The following BPIFA3 variants were observed in gnomAD, a reference collection of about 807,000 sequenced individuals.
BPIFA3 encodes BPI fold containing family A member 3, also known as BPI fold-containing family A member 3.
Under a neutral mutation model 29.7 loss-of-function variants are expected in BPIFA3, and 32 were observed. That is an observed-to-expected ratio of 1.08 (90% confidence interval 0.81 to 1.45). The LOEUF (loss-of-function observed/expected upper bound fraction) is 1.45. Ranked by LOEUF, BPIFA3 falls within the 40% of genes most tolerant of loss-of-function variation. BPIFA3 has a pLI of 0.00. For missense variants in BPIFA3, 323 were observed against 311.3 expected (o/e 1.04, Z -0.28); for synonymous variants, 112 against 113.7 (o/e 0.98, Z 0.10).
chr20:33,224,993 G>A, intron 3 of BPIFA3, 105 bp from the exon 4 acceptor site: 1 of 1,032,148 alleles, frequency 9.7e-7, no homozygotes, highest in Admixed American at 1.9e-5. Flanking sequence ...GAGTGCCAGG[G>A]GAAGCCCTAA....
chr20:33,224,040 G>T, intron 2 of BPIFA3, 79 bp downstream of exon 2: 1 of 1,543,444 alleles, frequency 6.5e-7, no homozygotes. Flanking sequence ...ATGGGGGGCT[G>T]GGGAGGTGCA....
rs1978371342 is a variant in BPIFA3 at position 33,227,681 on chromosome 20, C to T, written c.*64C>T. On this transcript the variant is annotated 3_prime_UTR_variant, in exon 7 of 7. Coordinates refer to ENST00000375454, the MANE Select transcript of BPIFA3 (RefSeq NM_178466.5). ...TTAAGTCTCCCTTAGAGTGGGGCTT[C>T]TGCTACCCTAAAAACTTTACCCCAG... The T allele has an allele frequency of 7.1e-7, 1 of 1,411,200 alleles. No individual in the cohort carries two copies. The highest frequency in any genetic ancestry group is 1.2e-5 in the South Asian group (1 of 86,362). The allele number at this position is 1,411,200 out of a possible 1,614,324, so 87.4% of individuals were successfully genotyped here.
At position 33,227,543 on chromosome 20, in the gene BPIFA3, G is replaced by A; in HGVS notation, c.691G>A (p.Glu231Lys). The A allele has an allele frequency of 1.2e-6, 2 of 1,613,890 alleles. No homozygotes were observed. Among genetic ancestry groups the A allele is most frequent in the South Asian group, 1.1e-5 (1 of 91,066 alleles). The change falls in exon 7 of 7, where the codon GAG (glutamate) becomes AAG (lysine). Residue 231 changes from glutamate (E) to lysine (K), a missense_variant. Coordinates refer to ENST00000375454, the MANE Select transcript of BPIFA3 (RefSeq NM_178466.5). ...GCTACCTCTTCTCCTTACAGAACAG[G>A]AGGCTGCTCATGAACCAACCCACCA... The part of the protein sequence containing the change: ...VKLLKSLIEQ[E>K]AAHEPTHHET...
intron 4 of BPIFA3, chr20:33,225,528 C>G: frequency 2.4e-6 from 1 of 411,782 alleles, no homozygotes; most frequent in South Asian, 3.4e-5. Context: ...TCCTACTCCA[C>G]TACCTGGAGC....
intron 2 of BPIFA3, 63 bp from the exon 3 acceptor site, chr20:33,224,292 A>G (rs1985669578): frequency 7.5e-7 from 1 of 1,333,528 alleles, no homozygotes; most frequent in Non-Finnish European, 1.1e-6. Flanking sequence ...GTTTCTCAGC[A>G]GGAAGCCTTA....
intron 4 of BPIFA3, 124 bp downstream of exon 4, chr20:33,225,371 GCTC>G: frequency 7.2e-7 from 1 of 1,384,010 alleles, no homozygotes; most frequent in Non-Finnish European, 9.8e-7. Flanking sequence ...CCCGGGATCT[GCTC>G]CTCCTCCCAT....
At chr20:33,226,204 T>C in intron 4 of BPIFA3, 1 of 523,006 alleles carries the variant, frequency 1.9e-6, no homozygotes, top group Non-Finnish European at 3.3e-6. Context: ...TTGCCATGTT[T>C]CTAATATAAC....
intron 1 of BPIFA3, among the ~76,000 whole-genome samples, chr20:33,219,512 G>A (rs1016020247): frequency 2.0e-5 from 3 of 152,046 alleles, no homozygotes. Flanking sequence ...TAGCTTTATA[G>A]TTTTACCTTT....
chr20:33,223,746 G>T, intron 1 of BPIFA3, 65 bp from the exon 2 acceptor site: 1 of 1,557,274 alleles, frequency 6.4e-7, no homozygotes, highest in Non-Finnish European at 8.7e-7. Flanking sequence ...CCAGGCCTCC[G>T]AATCCCAAGC....
At chr20:33,224,029 G>A in intron 2 of BPIFA3, 68 bp downstream of exon 2, 6 of 1,564,274 alleles carry the variant, frequency 3.8e-6, no homozygotes, top group Non-Finnish European at 5.2e-6. Flanking sequence ...GGGTAGAGCT[G>A]ATGGGGGGCT....
intron 2 of BPIFA3, 96 bp downstream of exon 2, chr20:33,224,057 G>A (rs1230682917): frequency 2.1e-6 from 3 of 1,447,868 alleles, no homozygotes; most frequent in African/African-American, 2.8e-5. Context: ...TGCAAGGCCT[G>A]TGAAGAGGGA....
intron 2 of BPIFA3, 64 bp from the exon 3 acceptor site, chr20:33,224,291 C>A: frequency 7.5e-7 from 1 of 1,325,838 alleles, no homozygotes. Flanking sequence ...TGTTTCTCAG[C>A]AGGAAGCCTT....
chr20:33,226,937 C>T lies in BPIFA3; in HGVS notation c.629C>T (p.Pro210Leu). The T allele has an allele frequency of 1.2e-6, 2 of 1,614,114 alleles. No homozygotes were observed. Among genetic ancestry groups the T allele is most frequent in the Non-Finnish European group, 8.5e-7 (1 of 1,179,990 alleles). Residue 210 changes from proline to leucine, a missense_variant, in exon 6 of 7, where the codon CCT (proline) becomes CTT (leucine). By Grantham distance (98) the Pro-to-Leu change is moderately conservative (BLOSUM62 -3). Coordinates refer to ENST00000375454, the MANE Select transcript of BPIFA3 (RefSeq NM_178466.5). ...TCTGTGCTGATGGTCCAGGTATGTC[C>T]TCTGATCGGTGAAATCCTCGGGCAG... is the stretch of plus-strand genomic sequence containing the variant. ...LPHMVESQVC[P>L]LIGEILGQLD...
chr20:33,222,354 T>C (rs1296864203), intron 1 of BPIFA3, among the ~76,000 whole-genome samples: 1 of 152,226 alleles, frequency 6.6e-6, no homozygotes, highest in Non-Finnish European at 1.5e-5. Flanking sequence ...AATTTTCCCC[T>C]CTTGTTTGGT....
At chr20:33,224,501 C>T (rs1406697887) in intron 3 of BPIFA3, 39 bp downstream of exon 3, 1 of 1,507,162 alleles carries the variant, frequency 6.6e-7, no homozygotes. Flanking sequence ...GGTGCTGGCC[C>T]TCCTCGCAGG....
At chr20:33,218,020 A>G (rs1484765892) in intron 1 of BPIFA3, among the ~76,000 whole-genome samples, 1 of 152,232 alleles carries the variant, frequency 6.6e-6, no homozygotes, top group Non-Finnish European at 1.5e-5. Context: ...TAATTTACAT[A>G]AATTGTATTG....
chr20:33,217,787 C>G (rs1321847114), intron 1 of BPIFA3, 124 bp downstream of exon 1: 1 of 1,237,182 alleles, frequency 8.1e-7, no homozygotes, highest in Non-Finnish European at 1.1e-6. Flanking sequence ...TTCTCTTTTT[C>G]TTAGACCTCA....
chr20:33,226,799 T>G (rs904874001), intron 5 of BPIFA3, 131 bp from the exon 6 acceptor site: 1 of 1,082,248 alleles, frequency 9.2e-7, no homozygotes, highest in South Asian at 1.4e-5. Flanking sequence ...TGGCGCTCAC[T>G]ACAAGGGAGC....
intron 6 of BPIFA3, among the ~76,000 whole-genome samples, 171 bp from the exon 7 acceptor site, chr20:33,227,367 G>C (rs1188803466): frequency 2.0e-5 from 3 of 152,226 alleles, no homozygotes; most frequent in Admixed American, 1.3e-4. Flanking sequence ...TCACAGACTA[G>C]TGAAGTGAAG....
Sources: gnomAD v4.1 joint callset for allele counts (sites outside exome capture counted in the v4.1 genomes callset) on GRCh38, gnomAD v4.1.1 for gene constraint, MANE v1.5 for transcripts, NCBI Gene and HGNC (gene_info 2026-07-23, HGNC 2026-07-21) for gene names.